Variants in CENPQ observed in about 807,000 individuals in gnomAD.
CENPQ encodes the protein centromere protein Q.
In CENPQ, 27 loss-of-function variants were observed where a neutral mutation model predicts 36.6. That is an observed-to-expected ratio of 0.74 (90% CI 0.54 to 1.02). The LOEUF (loss-of-function observed/expected upper bound fraction) is 1.02, where lower values mean the gene tolerates loss of function less well. CENPQ is among the 50% of genes least tolerant of loss of function. The probability of loss-of-function intolerance (pLI) is 0.00; values close to 1 mark genes in which losing one functional copy is unlikely to be tolerated. For synonymous variants in CENPQ, 101 were observed against 101.7 expected (o/e 0.99, Z 0.04); for missense variants, 306 against 301.8 (o/e 1.01, Z -0.10).
chr6:49,466,523 C>T (rs924808880), intron 1 of CENPQ, among the ~76,000 whole-genome samples: 1 of 152,224 alleles, frequency 6.6e-6, no homozygotes, highest in African/African-American at 2.4e-5. Context: ...CATTCGCTCA[C>T]TTGCCTCTTT....
At chr6:49,473,008 T>A (rs1768181702) in intron 5 of CENPQ, 150 bp downstream of exon 5, 2 of 497,224 alleles carry the variant, frequency 4.0e-6, no homozygotes, top group South Asian at 7.0e-5. Flanking sequence ...CTCTTTTTTC[T>A]AAACTGCTGC....
intron 6 of CENPQ, among the ~76,000 whole-genome samples, chr6:49,487,997 G>A (rs1003056599): frequency 1.3e-5 from 2 of 152,134 alleles, no homozygotes; most frequent in African/African-American, 4.8e-5. Flanking sequence ...GTTTTATGCT[G>A]CTTAAGGAAG....
At chr6:49,484,677 T>C (rs1768534438) in intron 6 of CENPQ, among the ~76,000 whole-genome samples, 1 of 152,206 alleles carries the variant, frequency 6.6e-6, no homozygotes, top group Admixed American at 6.5e-5. Context: ...GAGAATAAAG[T>C]TGAAGGAACA....
intron 3 of CENPQ, 61 bp downstream of exon 3, chr6:49,471,089 G>A: frequency 9.9e-7 from 1 of 1,005,842 alleles, no homozygotes; most frequent in South Asian, 2.4e-5. Flanking sequence ...CTACATTCGT[G>A]AAAAAATGTT....
At chr6:49,490,285 T>C (rs1384385456) in intron 8 of CENPQ, among the ~76,000 whole-genome samples, 1 of 152,234 alleles carries the variant, frequency 6.6e-6, no homozygotes, top group East Asian at 1.9e-4. Flanking sequence ...CCTTGCACTT[T>C]TTATGTTATA....
rs144641153 is a variant in CENPQ at position 49,476,092 on chromosome 6, C to G, written c.347+3234C>G. On this transcript the variant is annotated intron_variant, in intron 5 of 8. Transcript: ENST00000335783. ...AAAAAAAACTAAAGTTCATATGGAA[C>G]CAAAAAAGGGCCCGCATTGCCAAGA... 5.7e-3 allele frequency among the ~76,000 whole-genome samples: 861 copies of G among 151,900 alleles called. 5 individuals carry two copies. Among genetic ancestry groups the G allele is most frequent in the African/African-American group, 0.019 (767 of 41,422 alleles).
intron 5 of CENPQ, among the ~76,000 whole-genome samples, chr6:49,477,137 A>G (rs955658502): frequency 6.6e-5 from 10 of 152,204 alleles, no homozygotes; most frequent in Non-Finnish European, 1.5e-4. Flanking sequence ...TTACTGCGGC[A>G]CTATTCACAA....
At chr6:49,487,246 T>C (rs1217792552) in intron 6 of CENPQ, among the ~76,000 whole-genome samples, 6 of 146,554 alleles carry the variant, frequency 4.1e-5, no homozygotes, top group Non-Finnish European at 9.0e-5. Flanking sequence ...CCCAAAATCT[T>C]AGGCATTCAG....
intron 5 of CENPQ, among the ~76,000 whole-genome samples, chr6:49,474,913 A>G (rs1333691684): frequency 6.6e-6 from 1 of 152,230 alleles, no homozygotes; most frequent in Admixed American, 6.5e-5. Flanking sequence ...TCTAGAAGAA[A>G]TGGATAAATT....
chr6:49,481,650 G>A (rs1283030708), intron 6 of CENPQ, among the ~76,000 whole-genome samples: 1 of 152,164 alleles, frequency 6.6e-6, no homozygotes, highest in Non-Finnish European at 1.5e-5. Flanking sequence ...CTGCTGATTG[G>A]TAGAGCCGAG....
At chr6:49,483,644 C>G (rs1025067697) in intron 6 of CENPQ, among the ~76,000 whole-genome samples, 1 of 152,242 alleles carries the variant, frequency 6.6e-6, no homozygotes, top group Non-Finnish European at 1.5e-5. Flanking sequence ...ACACCCTCCA[C>G]AGCCGCTGGC....
At chr6:49,482,093 G>T (rs994356736) in intron 6 of CENPQ, among the ~76,000 whole-genome samples, 71 of 152,298 alleles carry the variant, frequency 4.7e-4, no homozygotes, top group African/African-American at 1.6e-3. Flanking sequence ...GCCTGGGGCT[G>T]GCAGGGCCAG....
chr6:49,474,320 T>A (rs561566430), intron 5 of CENPQ, among the ~76,000 whole-genome samples: 30 of 152,260 alleles, frequency 2.0e-4, no homozygotes, highest in African/African-American at 6.7e-4. Flanking sequence ...AAACTGTCTC[T>A]CAGACCACAG....
chr6:49,479,008 A>G (rs1241070804), intron 5 of CENPQ, among the ~76,000 whole-genome samples: 1 of 152,212 alleles, frequency 6.6e-6, no homozygotes, highest in Non-Finnish European at 1.5e-5. Flanking sequence ...ATAAACATAT[A>G]GAAGAAACTT....
intron 1 of CENPQ, among the ~76,000 whole-genome samples, chr6:49,466,380 C>T (rs1354074799): frequency 1.3e-5 from 2 of 152,188 alleles, no homozygotes; most frequent in African/African-American, 2.4e-5. Context: ...TCAGTGCAGG[C>T]TTGCCACAAA....
At chr6:49,487,168 A>AAAAAAAAAAAAAAAAATGGTCCTGAGTTG (rs541811843) in intron 6 of CENPQ, among the ~76,000 whole-genome samples, 2 of 72,214 alleles carry the variant, frequency 2.8e-5, no homozygotes, top group African/African-American at 4.7e-5. Flanking sequence ...AAAAAAAAAA[A>AAAAAAAAAAAAAAAAATGGTCCTGAGTTG]ATAAAAAAAA....
At chr6:49,468,109 A>G (rs1160189164) in intron 1 of CENPQ, among the ~76,000 whole-genome samples, 1 of 152,056 alleles carries the variant, frequency 6.6e-6, no homozygotes, top group Non-Finnish European at 1.5e-5. Flanking sequence ...AAAATTTGGG[A>G]TTGGGAGGGA....
intron 1 of CENPQ, among the ~76,000 whole-genome samples, chr6:49,465,447 C>G (rs1488455100): frequency 6.6e-6 from 1 of 152,208 alleles, no homozygotes; most frequent in African/African-American, 2.4e-5. Context: ...AGCTTTGAAG[C>G]CAGGCAATGA....
intron 1 of CENPQ, among the ~76,000 whole-genome samples, chr6:49,466,136 A>T (rs915720372): frequency 3.9e-5 from 6 of 152,222 alleles, no homozygotes; most frequent in African/African-American, 1.4e-4. Context: ...GGAGAGAGGC[A>T]GGGAACAGCC....
Sources: gnomAD v4.1 joint callset for allele counts (sites outside exome capture counted in the v4.1 genomes callset) on GRCh38, gnomAD v4.1.1 for gene constraint, MANE v1.5 for transcripts, NCBI Gene and HGNC (gene_info 2026-07-23, HGNC 2026-07-21) for gene names.